Variants in UBE2E2 observed in about 807,000 individuals in gnomAD.
UBE2E2 encodes the protein ubiquitin conjugating enzyme E2 E2, also known as ubiquitin-conjugating enzyme E2 E2.
A neutral mutation model predicts 24.7 loss-of-function variants in UBE2E2; 6 were observed. The ratio of observed to expected loss-of-function variants is 0.24; its 90% CI spans 0.13 to 0.48. The LOEUF (loss-of-function observed/expected upper bound fraction) is 0.48. Ranked by LOEUF, UBE2E2 falls within the 20% of genes least tolerant of loss-of-function variation. The pLI is 0.99. For synonymous variants in UBE2E2, 104 were observed against 83.6 expected, an observed-to-expected ratio of 1.24 and a Z score of -1.33; for missense variants, 169 against 245.0, an observed-to-expected ratio of 0.69 and a Z score of 2.07.
At chr3:23,300,235 C>G (rs551525500) in intron 3 of UBE2E2, among the ~76,000 whole-genome samples, 1 of 151,902 alleles carries the variant, frequency 6.6e-6, no homozygotes, top group Non-Finnish European at 1.5e-5. Context: ...GACTCTTTAT[C>G]CAATTTGCCA....
intron 3 of UBE2E2, among the ~76,000 whole-genome samples, chr3:23,271,350 C>T (rs1479552585): frequency 2.6e-5 from 4 of 152,184 alleles, no homozygotes; most frequent in African/African-American, 9.7e-5. Flanking sequence ...AAGCTACAGA[C>T]CTTCACGGTG....
chr3:23,272,928 A>C (rs1314673207), intron 3 of UBE2E2, among the ~76,000 whole-genome samples: 1 of 152,152 alleles, frequency 6.6e-6, no homozygotes, highest in Admixed American at 6.5e-5. Context: ...TTCCATTTCA[A>C]GCAGTCAGAC....
chr3:23,424,576 A>G (rs1697880950), intron 3 of UBE2E2, among the ~76,000 whole-genome samples: 1 of 152,112 alleles, frequency 6.6e-6, no homozygotes, highest in South Asian at 2.1e-4. Context: ...TACAAATTGT[A>G]GCACTAATGA....
At chr3:23,343,834 G>A (rs1198312570) in intron 3 of UBE2E2, among the ~76,000 whole-genome samples, 1 of 152,086 alleles carries the variant, frequency 6.6e-6, no homozygotes, top group East Asian at 1.9e-4. Context: ...TCCTATGTCT[G>A]GTTTCTTCTG....
intron 5 of UBE2E2, among the ~76,000 whole-genome samples, chr3:23,584,124 T>C (rs1260429085): frequency 6.6e-6 from 1 of 152,236 alleles, no homozygotes; most frequent in Non-Finnish European, 1.5e-5. Context: ...GTTTTTAACA[T>C]GATGATATGT....
In UBE2E2 at chr3:23,470,822, A is replaced by AT. The variant is rs913961672; in HGVS notation, c.228-28777dup. Among the ~76,000 whole-genome samples the AT allele has an allele frequency of 1.4e-3, 33 of 23,998 alleles. 1 individual carries two copies. In the South Asian group the frequency reaches 0.037, roughly 27 times the overall value. 15.7% of individuals were successfully genotyped at this position (23,998 alleles called of 152,430 possible). A position where few individuals can be genotyped will look rare whatever the true frequency, so the allele number is the denominator to read the frequency against. ...AGATTACTTTTATAAAAATATATATATTTTTTTTTGCGTGAACTCCACTTC... is the reference window on the plus strand; with the variant it reads ...AGATTACTTTTATAAAAATATATATATTTTTTTTTTGCGTGAACTCCACTTC... On this transcript the variant is annotated intron_variant, in intron 3 of 5. Coordinates refer to ENST00000396703, the MANE Select transcript of UBE2E2 (RefSeq NM_152653.4).
At chr3:23,319,122 A>G (rs1264855977) in intron 3 of UBE2E2, among the ~76,000 whole-genome samples, 2 of 152,226 alleles carry the variant, frequency 1.3e-5, no homozygotes, top group African/African-American at 2.4e-5. Context: ...CTTATTTAAA[A>G]CCGTAAGCCA....
At chr3:23,432,040 A>G (rs1417236796) in intron 3 of UBE2E2, among the ~76,000 whole-genome samples, 1 of 152,180 alleles carries the variant, frequency 6.6e-6, no homozygotes, top group African/African-American at 2.4e-5. Flanking sequence ...TCACACTGTA[A>G]TGTACAGCTT....
intron 3 of UBE2E2, among the ~76,000 whole-genome samples, chr3:23,423,704 T>C (rs75372651): frequency 0.034 from 5,144 of 152,292 alleles, 302 homozygotes; most frequent in African/African-American, 0.12. Flanking sequence ...ATACCTATAC[T>C]GGAATATAAG....
intron 5 of UBE2E2, among the ~76,000 whole-genome samples, chr3:23,551,014 A>G (rs935093600): frequency 2.0e-5 from 3 of 152,198 alleles, no homozygotes; most frequent in Non-Finnish European, 2.9e-5. Context: ...CATCTGCTCT[A>G]ACAGTTTAAA....
At chr3:23,435,036 T>G (rs1265497841) in intron 3 of UBE2E2, among the ~76,000 whole-genome samples, 2 of 152,234 alleles carry the variant, frequency 1.3e-5, no homozygotes, top group East Asian at 3.8e-4. Context: ...CTCTTGTTAA[T>G]TCTCCTTATA....
intron 3 of UBE2E2, among the ~76,000 whole-genome samples, chr3:23,304,212 A>C (rs981894632): frequency 3.3e-5 from 5 of 152,222 alleles, no homozygotes; most frequent in Admixed American, 6.5e-5. Flanking sequence ...GTGTGGTGAA[A>C]TTATAGCAGA....
At chr3:23,212,614 A>AGT in intron 2 of UBE2E2, among the ~76,000 whole-genome samples, 1 of 151,812 alleles carries the variant, frequency 6.6e-6, no homozygotes, top group East Asian at 1.9e-4. Context: ...TTGGTTTCAG[A>AGT]CTAAATTTTT....
intron 3 of UBE2E2, among the ~76,000 whole-genome samples, chr3:23,404,284 A>G (rs946905155): frequency 7.9e-5 from 12 of 152,176 alleles, no homozygotes; most frequent in African/African-American, 2.9e-4. Flanking sequence ...TGACTGCAAT[A>G]AGATTTGATG....
At chr3:23,525,054 C>T (rs564565056) in intron 4 of UBE2E2, among the ~76,000 whole-genome samples, 1 of 152,184 alleles carries the variant, frequency 6.6e-6, no homozygotes, top group African/African-American at 2.4e-5. Context: ...GGGAAAAATC[C>T]ATTTCCTTGC....
intron 3 of UBE2E2, among the ~76,000 whole-genome samples, chr3:23,465,361 C>G (rs1698899493): frequency 2.0e-5 from 3 of 152,198 alleles, no homozygotes; most frequent in Admixed American, 2.0e-4. Context: ...TATAATATAG[C>G]TTATCCCATA....
intron 3 of UBE2E2, among the ~76,000 whole-genome samples, chr3:23,359,654 A>T (rs919201287): frequency 6.6e-6 from 1 of 152,054 alleles, no homozygotes; most frequent in African/African-American, 2.4e-5. Flanking sequence ...TTTCTCTGGA[A>T]ATTTCTAATG....
chr3:23,481,440 C>T (rs1699257580), intron 3 of UBE2E2, among the ~76,000 whole-genome samples: 1 of 152,184 alleles, frequency 6.6e-6, no homozygotes, highest in South Asian at 2.1e-4. Context: ...GCTTTGCTTT[C>T]ATATACTATG....
Position 23,591,198 on chromosome 3 carries a change from G to T in UBE2E2, c.*1367G>T, listed in dbSNP as rs1374155468. The T allele has an allele frequency of 6.6e-6, 1 of 152,112 alleles. No individual in the cohort carries two copies. The highest frequency in any genetic ancestry group is 2.4e-5 in the African/African-American group (1 of 41,412). The allele number at this position is 152,112 out of a possible 1,614,324, so 9.4% of individuals were successfully genotyped here. The stretch of plus-strand genomic sequence containing the variant: ...TGATTGATAATTCAGGGTTATTAGT[G>T]TAACAAAGCGTAGTGGAAACTCCTA... On this transcript the variant is annotated 3_prime_UTR_variant, in exon 6 of 6. Transcript: ENST00000396703.
Sources: gnomAD v4.1 joint callset for allele counts (sites outside exome capture counted in the v4.1 genomes callset) on GRCh38, gnomAD v4.1.1 for gene constraint, MANE v1.5 for transcripts, NCBI Gene and HGNC (gene_info 2026-07-23, HGNC 2026-07-21) for gene names.